LYZL4: variants seen among roughly 807,000 people sequenced by gnomAD.
The protein encoded by LYZL4 is lysozyme-like protein 4.
In LYZL4, 13 loss-of-function variants were observed where a neutral mutation model predicts 17.6. That is an observed-to-expected ratio of 0.74 (90% CI 0.48 to 1.18). The LOEUF (loss-of-function observed/expected upper bound fraction) is 1.18, where lower values mean the gene tolerates loss of function less well. LYZL4 is among the 50% of genes most tolerant of loss of function. The pLI is 0.00. For synonymous variants in LYZL4, 64 were observed against 67.7 expected (o/e 0.95, Z 0.27); for missense variants, 174 against 188.2 (o/e 0.92, Z 0.44).
chr3:42,405,826 G>T (rs1263779967), intron 3 of LYZL4, among the ~76,000 whole-genome samples: 2 of 152,106 alleles, frequency 1.3e-5, no homozygotes, highest in Admixed American at 6.5e-5. Flanking sequence ...CTGGGCCTCA[G>T]TTTCCCCATT....
At chr3:42,401,250 G>A (rs1698647326) in intron 4 of LYZL4, among the ~76,000 whole-genome samples, 1 of 151,988 alleles carries the variant, frequency 6.6e-6, no homozygotes, top group Non-Finnish European at 1.5e-5. Context: ...TCGCTCTGTT[G>A]CCCAGGCTGG....
At chr3:42,377,631 G>C in the LYZL4 span, among the ~76,000 whole-genome samples, 3 of 81,888 alleles carry the variant, frequency 3.7e-5, no homozygotes, top group African/African-American at 1.1e-4. Context: ...CTCTCTGTGT[G>C]TGTGTGTGTG....
At chr3:42,365,497 A>G in the LYZL4 span, among the ~76,000 whole-genome samples, 2 of 151,904 alleles carry the variant, frequency 1.3e-5, no homozygotes, top group Non-Finnish European at 2.9e-5. Context: ...CCTTGGACCA[A>G]CTCCTACCTG....
the LYZL4 span, among the ~76,000 whole-genome samples, chr3:42,386,014 T>C: frequency 6.6e-6 from 1 of 152,186 alleles, no homozygotes; most frequent in African/African-American, 2.4e-5. Context: ...AAACCATTTC[T>C]TTGCCTTTTC....
the LYZL4 span, among the ~76,000 whole-genome samples, chr3:42,367,048 G>T: frequency 1.3e-5 from 2 of 152,174 alleles, no homozygotes; most frequent in South Asian, 4.1e-4. Context: ...ATGATGGCCT[G>T]GTGGCCTTAG....
At chr3:42,399,958 C>G (rs1698626356) in intron 4 of LYZL4, among the ~76,000 whole-genome samples, 1 of 151,054 alleles carries the variant, frequency 6.6e-6, no homozygotes, top group African/African-American at 2.4e-5. Flanking sequence ...CACCATTACT[C>G]TTAATGGCAA....
the LYZL4 span, among the ~76,000 whole-genome samples, chr3:42,387,429 A>G: frequency 6.6e-6 from 1 of 152,194 alleles, no homozygotes; most frequent in East Asian, 1.9e-4. Flanking sequence ...TAGGACATGT[A>G]TTGCCTCTCA....
rs539333728 is a variant in LYZL4 at position 42,409,002 on chromosome 3, G to A, written c.-93+1415C>T. On this transcript the variant is annotated intron_variant, in intron 1 of 4. Transcript: ENST00000287748. ...AATTAGAAGAATCATACTTTCAAAC[G>A]TTTGTTCAAACTCTCAAGCTGTATG... 2.1e-4 allele frequency among the ~76,000 whole-genome samples: 32 copies of A among 152,294 alleles called. No individual in the cohort carries two copies. In the East Asian group the frequency reaches 5.0e-3, roughly 24 times the overall value.
At chr3:42,362,420 T>C in the LYZL4 span, among the ~76,000 whole-genome samples, 230 of 152,352 alleles carry the variant, frequency 1.5e-3, no homozygotes, top group African/African-American at 5.1e-3. Context: ...TGAACTGCTA[T>C]AACAAGGTAC....
At chr3:42,397,040 T>C (rs1462899055), downstream of LYZL4, 3 of 448,596 alleles carry the variant, frequency 6.7e-6, no homozygotes, top group Non-Finnish European at 1.2e-5. Context: ...ATAATGGTGA[T>C]TACAGAAATA....
the LYZL4 span, among the ~76,000 whole-genome samples, chr3:42,375,368 G>A: frequency 6.6e-6 from 1 of 152,170 alleles, no homozygotes; most frequent in East Asian, 1.9e-4. Flanking sequence ...AACAAGCCCT[G>A]GTTACTTTAC....
chr3:42,375,812 G>A, the LYZL4 span, among the ~76,000 whole-genome samples: 1 of 152,214 alleles, frequency 6.6e-6, no homozygotes, highest in Admixed American at 6.5e-5. Context: ...TCCACCAGCA[G>A]CAGCAGAAAG....
At chr3:42,379,966 A>G in the LYZL4 span, among the ~76,000 whole-genome samples, 1 of 152,186 alleles carries the variant, frequency 6.6e-6, no homozygotes, top group African/African-American at 2.4e-5. Context: ...GCAGTGACCG[A>G]AAATTGTAAG....
chr3:42,377,625 C>CTCTGTGTGTGTG, the LYZL4 span, among the ~76,000 whole-genome samples: 5 of 143,686 alleles, frequency 3.5e-5, no homozygotes, highest in African/African-American at 1.1e-4. Context: ...GCATGACTCT[C>CTCTGTGTGTGTG]TGTGTGTGTG....
chr3:42,374,780 C>T, the LYZL4 span, among the ~76,000 whole-genome samples: 8 of 152,168 alleles, frequency 5.3e-5, no homozygotes, highest in African/African-American at 1.2e-4. Flanking sequence ...TCTAATTGCT[C>T]CTCAATTATT....
chr3:42,373,682 A>G, the LYZL4 span, among the ~76,000 whole-genome samples: 2 of 152,128 alleles, frequency 1.3e-5, no homozygotes, highest in Non-Finnish European at 2.9e-5. Context: ...GGGATGAAGA[A>G]TGGAATTAAG....
the LYZL4 span, among the ~76,000 whole-genome samples, chr3:42,386,634 A>T: frequency 6.6e-6 from 1 of 152,224 alleles, no homozygotes; most frequent in Admixed American, 6.5e-5. Flanking sequence ...CAGAAGTAAC[A>T]AAAAGTTAGA....
At chr3:42,375,620 G>A in the LYZL4 span, among the ~76,000 whole-genome samples, 21 of 152,304 alleles carry the variant, frequency 1.4e-4, no homozygotes, top group Admixed American at 8.5e-4. Context: ...GGGAAGAGCC[G>A]GGGAGACAGG....
the LYZL4 span, among the ~76,000 whole-genome samples, chr3:42,361,571 T>A: frequency 8.3e-4 from 94 of 113,248 alleles, no homozygotes; most frequent in African/African-American, 4.7e-3. Context: ...TTAAAAAAAT[T>A]TTTTTTTTTT....
Sources: allele counts gnomAD v4.1 joint callset (sites outside exome capture counted in the v4.1 genomes callset), GRCh38; gene constraint gnomAD v4.1.1; transcripts MANE v1.5; gene names NCBI Gene and HGNC (gene_info 2026-07-23, HGNC 2026-07-21).